APOLD1: variants seen among roughly 807,000 people sequenced by gnomAD.
The protein encoded by APOLD1 is apolipoprotein L domain-containing protein 1.
APOLD1 carries 22 observed loss-of-function variants against 15.3 expected under a neutral mutation model. The ratio of observed to expected loss-of-function variants is 1.44; its 90% CI spans 1.03 to 2.05. APOLD1 has a LOEUF of 2.05. Ranked by LOEUF, APOLD1 falls within the 30% of genes most tolerant of loss-of-function variation. The pLI is 0.00. For missense variants in APOLD1, 394 were observed against 353.5 expected (o/e 1.11, Z -0.92); for synonymous variants, 190 against 167.4 (o/e 1.13, Z -1.04).
chr12:12,771,804 CA>C, intron 1 of APOLD1: 1 of 204,912 alleles, frequency 4.9e-6, no homozygotes, highest in South Asian at 7.4e-5. Context: ...ATAAGTGAAA[CA>C]AATGACCACA....
At position 12,787,581 on chromosome 12, in the gene APOLD1, C is replaced by A; in HGVS notation, c.676C>A (p.Leu226Ile). 6.2e-7 allele frequency: 1 copy of A among 1,612,834 alleles called. No homozygotes were observed. The highest frequency in any genetic ancestry group is 2.2e-5 in the East Asian group (1 of 44,882). Residue 226 changes from leucine (L) to isoleucine (I), a missense_variant, in exon 2 of 2, where the codon CTC becomes ATC. Transcript: ENST00000356591. The surrounding 1 kb of genome is among the most constrained non-coding windows in gnomAD (Gnocchi z 4.9). ...CGAGCAGCTGGAGTCTCGGGTTCAG[C>A]TCTGCACCAAGTCCAGTCGTGGCCA... ...LSEQLESRVQ[L>I]CTKSSRGHDL... is the part of the protein sequence containing the mutation.
At chr12:12,743,234 A>G (rs908043970) in intron 1 of APOLD1, among the ~76,000 whole-genome samples, 4 of 152,186 alleles carry the variant, frequency 2.6e-5, no homozygotes, top group Admixed American at 6.5e-5. Flanking sequence ...TTGTGCAATC[A>G]AAGAACTCCT....
At chr12:12,753,203 A>G (rs141148180) in intron 1 of APOLD1, among the ~76,000 whole-genome samples, 2 of 152,370 alleles carry the variant, frequency 1.3e-5, no homozygotes, top group Admixed American at 6.5e-5. Flanking sequence ...GAGACAAGAA[A>G]CTCAATAGAC....
Position 12,788,869 on chromosome 12 carries a change from CTG to C in APOLD1, c.*1221_*1222del, listed in dbSNP as rs1407869148. The C allele has an allele frequency of 6.9e-6, 1 of 145,282 alleles. No individual in the cohort carries two copies. The highest frequency in any genetic ancestry group is 2.6e-5 in the African/African-American group (1 of 39,170). 9.0% of individuals were successfully genotyped at this position (145,282 alleles called of 1,614,324 possible). A position where few individuals can be genotyped will look rare whatever the true frequency, so the allele number is the denominator to read the frequency against. On this transcript the variant is annotated 3_prime_UTR_variant, in exon 2 of 2. Transcript: ENST00000356591. Reference sequence around the variant, plus strand: ...TCGTTCACAGATGACCAAGGACAGACTGTGTCCCAGAAGCCAAAATGAGAGAG... The same window carrying C: ...TCGTTCACAGATGACCAAGGACAGACTGTCCCAGAAGCCAAAATGAGAGAG...
chr12:12,785,827 G>A, intron 1 of APOLD1, 133 bp downstream of exon 1: 1 of 864,224 alleles, frequency 1.2e-6, no homozygotes, highest in Non-Finnish European at 1.9e-6. Context: ...ATAAGGAGAT[G>A]AGGATTCTAG....
chr12:12,726,539 C>T (rs1288164067), intron 1 of APOLD1, among the ~76,000 whole-genome samples: 1 of 152,136 alleles, frequency 6.6e-6, no homozygotes, highest in Non-Finnish European at 1.5e-5. Context: ...TCCCTATGTC[C>T]GTATTAGTGA....
intron 1 of APOLD1, among the ~76,000 whole-genome samples, chr12:12,776,600 G>A (rs754326326): frequency 9.2e-5 from 14 of 152,224 alleles, no homozygotes; most frequent in African/African-American, 1.9e-4. Context: ...GTGCAGGTGC[G>A]CACACCTGTG....
At chr12:12,744,716 G>C (rs1946752654) in intron 1 of APOLD1, among the ~76,000 whole-genome samples, 1 of 152,118 alleles carries the variant, frequency 6.6e-6, no homozygotes, top group Non-Finnish European at 1.5e-5. Flanking sequence ...TAAATTTCCG[G>C]GGTGCTCTGC....
upstream of APOLD1, among the ~76,000 whole-genome samples, chr12:12,782,692 G>A (rs760040551): frequency 8.3e-4 from 126 of 152,230 alleles, no homozygotes; most frequent in Non-Finnish European, 1.7e-3. Flanking sequence ...AACAAAAAAA[G>A]AGTTGAACAG....
intron 1 of APOLD1, among the ~76,000 whole-genome samples, chr12:12,738,993 A>G (rs1468081079): frequency 6.6e-6 from 1 of 152,236 alleles, no homozygotes; most frequent in Non-Finnish European, 1.5e-5. Flanking sequence ...CTAGCTGCCA[A>G]ATGCAAATCT....
At position 12,787,265 on chromosome 12, in the gene APOLD1, G is replaced by T. The variant is rs1397753661; in HGVS notation, c.360G>T (p.Val120=). The T allele has an allele frequency of 5.0e-6, 8 of 1,595,710 alleles. No individual in the cohort carries two copies. Among genetic ancestry groups the T allele is most frequent in the South Asian group, 1.1e-5 (1 of 88,698 alleles). ...IFCNSRELRR[V]QEIAATCQDQ... ...GCAACTCCCGGGAGCTGCGGAGGGT[G>T]CAGGAGATCGCGGCCACCTGCCAGG... Residue 120 remains valine (V), a synonymous_variant, in exon 2 of 2, where the codon GTG becomes GTT. Coordinates refer to ENST00000356591, the MANE Select transcript of APOLD1 (RefSeq NM_030817.3). This position sits in a 1 kb window ranked among gnomAD's most constrained non-coding sequence, Gnocchi z 4.9.
intron 1 of APOLD1, among the ~76,000 whole-genome samples, chr12:12,749,113 C>A (rs115503400): frequency 2.6e-5 from 4 of 152,094 alleles, no homozygotes; most frequent in Admixed American, 2.0e-4. Context: ...GGTGAGGCTG[C>A]AGTCTCTGCA....
chr12:12,752,410 C>T (rs1946818982), intron 1 of APOLD1, among the ~76,000 whole-genome samples: 1 of 152,152 alleles, frequency 6.6e-6, no homozygotes, highest in African/African-American at 2.4e-5. Context: ...TCAGTATTAG[C>T]ATTTGGCTTT....
At position 12,786,939 on chromosome 12, in the gene APOLD1, C is replaced by T. The variant is rs1947130580; in HGVS notation, c.34C>T (p.His12Tyr). The T allele has an allele frequency of 2.1e-6, 3 of 1,457,716 alleles. No individual in the cohort carries two copies. Among genetic ancestry groups the T allele is most frequent in the Non-Finnish European group, 2.7e-6 (3 of 1,113,662 alleles). 90.3% of individuals were successfully genotyped at this position (1,457,716 alleles called of 1,614,324 possible). A position where few individuals can be genotyped will look rare whatever the true frequency, so the allele number is the denominator to read the frequency against. ...GGAGAGGCCGGCGGCCCGGGAGCCG[C>T]ATGGGCCCGACGCGCTGCGGCGCTT... ...GMERPAAREP[H>Y]GPDALRRFQG... The change falls in exon 2 of 2, where the codon CAT (histidine) becomes TAT (tyrosine). Residue 12 changes from histidine to tyrosine, a missense_variant. His to Tyr is a moderately conservative substitution (Grantham distance 83). Transcript: ENST00000356591.
chr12:12,771,304 T>C (rs1449725556), intron 1 of APOLD1: 1 of 191,034 alleles, frequency 5.2e-6, no homozygotes, highest in African/African-American at 2.4e-5. Flanking sequence ...GCTGGGCTTT[T>C]ATCTACCATT....
At chr12:12,773,107 A>T (rs1365800863) in intron 1 of APOLD1, among the ~76,000 whole-genome samples, 1 of 152,138 alleles carries the variant, frequency 6.6e-6, no homozygotes, top group East Asian at 1.9e-4. Context: ...TATATGAAAA[A>T]CACAACTTAC....
chr12:12,752,026 A>T (rs568925652), intron 1 of APOLD1, among the ~76,000 whole-genome samples: 2 of 152,290 alleles, frequency 1.3e-5, no homozygotes, highest in South Asian at 4.1e-4. Context: ...AGTCCCTCTG[A>T]CACCTTGACT....
At chr12:12,751,975 G>A (rs1166435605) in intron 1 of APOLD1, among the ~76,000 whole-genome samples, 1 of 152,140 alleles carries the variant, frequency 6.6e-6, no homozygotes, top group Non-Finnish European at 1.5e-5. Context: ...AAACTGAAAA[G>A]GCAAGAAAAC....
intron 1 of APOLD1, among the ~76,000 whole-genome samples, chr12:12,750,588 A>T (rs80140697): frequency 1.9e-3 from 65 of 33,396 alleles, no homozygotes; most frequent in Middle Eastern, 0.017. Flanking sequence ...GTTAAAGTAT[A>T]TTTTTTCTCA....
Sources: gnomAD v4.1 joint callset for allele counts (sites outside exome capture counted in the v4.1 genomes callset) on GRCh38, gnomAD v4.1.1 for gene constraint, Gnocchi (gnomAD v3.1) non-coding constraint, MANE v1.5 for transcripts, NCBI Gene and HGNC (gene_info 2026-07-23, HGNC 2026-07-21) for gene names.